The following DGKH variants were observed in gnomAD, a reference collection of about 807,000 sequenced individuals.
The protein encoded by DGKH is diacylglycerol kinase eta.
DGKH carries 90 observed loss-of-function variants against 159.3 expected under a neutral mutation model. That is an observed-to-expected ratio of 0.57 (90% CI 0.48 to 0.67). The LOEUF is 0.67. DGKH is among the 30% of genes least tolerant of loss of function. The pLI, the probability that DGKH is intolerant of heterozygous loss-of-function variation, is 0.00. For missense variants in DGKH, 1,181 were observed against 1,506.1 expected (o/e 0.78, Z 3.57); for synonymous variants, 536 against 553.8 (o/e 0.97, Z 0.45).
At chr13:42,182,701 G>C (rs1956802580) in intron 13 of DGKH, among the ~76,000 whole-genome samples, 1 of 152,172 alleles carries the variant, frequency 6.6e-6, no homozygotes, top group Non-Finnish European at 1.5e-5. Flanking sequence ...CTCCATGGAT[G>C]TGGAACCCAT....
chr13:42,163,315 A>G (rs535223407), intron 7 of DGKH, among the ~76,000 whole-genome samples: 72 of 152,294 alleles, frequency 4.7e-4, no homozygotes, highest in African/African-American at 6.0e-4. Flanking sequence ...TAGTGCCGCA[A>G]TAAACATACG....
At chr13:42,132,879 T>C (rs1955316294) in intron 3 of DGKH, among the ~76,000 whole-genome samples, 1 of 151,828 alleles carries the variant, frequency 6.6e-6, no homozygotes, top group Non-Finnish European at 1.5e-5. Flanking sequence ...TAAAAAAAAT[T>C]TTTTTTTGGC....
At chr13:42,101,320 T>TA (rs1264324615) in intron 1 of DGKH, among the ~76,000 whole-genome samples, 1 of 152,260 alleles carries the variant, frequency 6.6e-6, no homozygotes, top group Admixed American at 6.5e-5. Context: ...CACCAAATGA[T>TA]ACAGCATTAA....
At chr13:42,040,461 G>T (rs1351563927) in intron 1 of DGKH, among the ~76,000 whole-genome samples, 1 of 151,930 alleles carries the variant, frequency 6.6e-6, no homozygotes, top group East Asian at 1.9e-4. Context: ...CCTGACAGGG[G>T]GGTCACGTGT....
chr13:42,253,849 A>G (rs1428107637), intron 30 of DGKH, among the ~76,000 whole-genome samples: 1 of 152,250 alleles, frequency 6.6e-6, no homozygotes, highest in Non-Finnish European at 1.5e-5. Flanking sequence ...ACATGTGTCT[A>G]TTGAACATAT....
chr13:42,175,112 A>G (rs1162116070), intron 12 of DGKH, among the ~76,000 whole-genome samples: 2 of 152,222 alleles, frequency 1.3e-5, no homozygotes, highest in Non-Finnish European at 2.9e-5. Context: ...CCTCCAGGAA[A>G]ATTCATCTGT....
At chr13:42,105,338 C>A (rs1004479428) in intron 1 of DGKH, among the ~76,000 whole-genome samples, 1 of 152,134 alleles carries the variant, frequency 6.6e-6, no homozygotes, top group African/African-American at 2.4e-5. Flanking sequence ...ATGATAACAA[C>A]ATTAATCCAT....
chr13:42,078,908 C>CTT (rs1491325908), intron 1 of DGKH, among the ~76,000 whole-genome samples: 4 of 141,512 alleles, frequency 2.8e-5, no homozygotes, highest in African/African-American at 1.1e-4. Flanking sequence ...GGTATATTCT[C>CTT]CTTTTTTTTT....
chr13:42,246,662 G>T (rs1035517053), downstream of DGKH, among the ~76,000 whole-genome samples: 3 of 151,966 alleles, frequency 2.0e-5, no homozygotes, highest in South Asian at 6.3e-4. Context: ...CTGACTTATC[G>T]AATAAAAGGC....
In DGKH at chr13:42,209,396, G is replaced by A. The variant is rs775979663; in HGVS notation, c.2781G>A (p.Ala927=). 7 of 1,613,572 alleles carry A rather than the reference G, an allele frequency of 4.3e-6. No individual in the cohort carries two copies. The highest frequency in any genetic ancestry group is 4.5e-5 in the East Asian group (2 of 44,870). ...EGVPVQVDGE[A]WVQPPGIIKI... is the part of the protein sequence containing the mutation. ...TCCCAGTGCAAGTGGATGGTGAAGC[G>A]TGGGTTCAGCCTCCAGGGATTATCA... is the stretch of plus-strand genomic sequence containing the variant. Residue 927 remains alanine, a synonymous_variant, in exon 23 of 30, where the codon GCG becomes GCA. Coordinates refer to ENST00000337343, the MANE Select transcript of DGKH (RefSeq NM_178009.5).
At chr13:42,255,736 T>C (rs191575286) in intron 30 of DGKH, 1 of 404,564 alleles carries the variant, frequency 2.5e-6, no homozygotes, top group East Asian at 3.8e-5. Context: ...ATAAATGACA[T>C]GTGGGAAGCA....
chr13:42,229,065 A>T (rs1280556801), intron 29 of DGKH, 34 bp from the exon 30 acceptor site: 5 of 1,549,276 alleles, frequency 3.2e-6, no homozygotes, highest in Non-Finnish European at 4.4e-6. Flanking sequence ...TTCATTTTTA[A>T]TTATTTCTAC....
At chr13:42,040,371 G>A (rs1487403562) in intron 1 of DGKH, among the ~76,000 whole-genome samples, 1 of 152,020 alleles carries the variant, frequency 6.6e-6, no homozygotes, top group Non-Finnish European at 1.5e-5. Context: ...CCCGGCCCCG[G>A]GGGAGGCCGC....
chr13:42,096,866 A>G lies in DGKH; in HGVS notation c.193-30597A>G, dbSNP rs76201023. 3.6e-3 allele frequency among the ~76,000 whole-genome samples: 542 copies of G among 152,312 alleles called. 7 individuals carry two copies. The East Asian group carries it at 0.047, about 13-fold the overall frequency. ...TGAGTTTGATCATATGGGAAGAAAA[A>G]GTCCTGCACACGTGGGTTTCCGTGT... On this transcript the variant is annotated intron_variant, in intron 1 of 29. Transcript: ENST00000337343.
intron 1 of DGKH, among the ~76,000 whole-genome samples, chr13:42,051,257 A>G (rs1379242804): frequency 6.6e-6 from 1 of 152,232 alleles, no homozygotes; most frequent in Non-Finnish European, 1.5e-5. Context: ...TCAGCATTTT[A>G]CAATTTCTCC....
At chr13:42,088,268 AG>A (rs1032744641) in intron 1 of DGKH, among the ~76,000 whole-genome samples, 40 of 152,336 alleles carry the variant, frequency 2.6e-4, no homozygotes, top group African/African-American at 9.6e-4. Flanking sequence ...GAAATTTTAA[AG>A]GAAGCTATCT....
At chr13:42,048,550 G>C (rs1880964865), upstream of DGKH, among the ~76,000 whole-genome samples, 1 of 152,292 alleles carries the variant, frequency 6.6e-6, no homozygotes, top group Middle Eastern at 3.4e-3. The surrounding 1 kb of genome is among the most constrained non-coding windows in gnomAD (Gnocchi z 6.7). Context: ...GCGTCCCACC[G>C]TGGCCGCCGC....
intron 3 of DGKH, among the ~76,000 whole-genome samples, chr13:42,133,086 G>A (rs542944793): frequency 2.0e-5 from 3 of 151,442 alleles, no homozygotes; most frequent in South Asian, 2.1e-4. Context: ...CAGGAGAATC[G>A]CTTGAACCCA....
At chr13:42,192,581 C>A (rs1438057044) in intron 16 of DGKH, among the ~76,000 whole-genome samples, 2 of 104,228 alleles carry the variant, frequency 1.9e-5, no homozygotes, top group Non-Finnish European at 4.0e-5. Flanking sequence ...CCTCCTTCTT[C>A]TTCTTTTTCC....
Sources: allele counts gnomAD v4.1 joint callset (sites outside exome capture counted in the v4.1 genomes callset), GRCh38; gene constraint gnomAD v4.1.1; non-coding constraint Gnocchi (gnomAD v3.1); transcripts MANE v1.5; gene names NCBI Gene and HGNC (gene_info 2026-07-23, HGNC 2026-07-21).